The following MYO9A variants were observed in gnomAD, a reference collection of about 807,000 sequenced individuals.
MYO9A encodes myosin IXA.
In MYO9A, 103 loss-of-function variants were observed where a neutral mutation model predicts 293.3. The observed-to-expected ratio is 0.35, with a 90% CI of 0.30 to 0.41. The LOEUF is 0.41. MYO9A is among the 10% of genes least tolerant of loss of function. The pLI is 1.00. For synonymous variants in MYO9A, 1,001 were observed against 1,035.7 expected, an observed-to-expected ratio of 0.97 and a Z score of 0.64; for missense variants, 2,685 against 3,033.0, an observed-to-expected ratio of 0.89 and a Z score of 2.69.
chr15:71,890,114 C>G (rs1013517196), intron 26 of MYO9A: 2 of 152,198 alleles, frequency 1.3e-5, no homozygotes, highest in Non-Finnish European at 2.9e-5. Flanking sequence ...AGTGGGTTTT[C>G]TCTTACTGTA....
intron 25 of MYO9A, among the ~76,000 whole-genome samples, chr15:71,895,109 C>T (rs1242081970): frequency 6.6e-6 from 1 of 152,220 alleles, no homozygotes; most frequent in Non-Finnish European, 1.5e-5. Context: ...TCTTTGCTAG[C>T]TATAGGCTTC....
chr15:72,010,653 A>G (rs1003542204), intron 6 of MYO9A, among the ~76,000 whole-genome samples: 2 of 152,332 alleles, frequency 1.3e-5, no homozygotes, highest in Middle Eastern at 3.4e-3. Flanking sequence ...TAAAATACCA[A>G]TAAGTTACTT....
At chr15:71,962,302 T>G (rs2075766033) in intron 13 of MYO9A, among the ~76,000 whole-genome samples, 1 of 152,134 alleles carries the variant, frequency 6.6e-6, no homozygotes, top group Admixed American at 6.5e-5. Flanking sequence ...AACTCAGAAT[T>G]CTATGAGAAA....
chr15:72,008,957 T>C (rs2077096475), intron 7 of MYO9A, among the ~76,000 whole-genome samples: 1 of 152,222 alleles, frequency 6.6e-6, no homozygotes, highest in South Asian at 2.1e-4. Context: ...ACCTGAGATA[T>C]TACCTTAGGA....
chr15:71,837,769 A>C (rs929422819), intron 39 of MYO9A, among the ~76,000 whole-genome samples: 11 of 152,140 alleles, frequency 7.2e-5, no homozygotes, highest in Non-Finnish European at 1.3e-4. Context: ...GATTACATGG[A>C]GCTTTTAGAA....
intron 1 of MYO9A, among the ~76,000 whole-genome samples, chr15:72,079,489 G>T (rs2079474302): frequency 6.6e-6 from 1 of 152,008 alleles, no homozygotes; most frequent in South Asian, 2.1e-4. Context: ...ATCGAAAAAA[G>T]GATACAGTAT....
At position 71,824,576 on chromosome 15, in the gene MYO9A, C is replaced by T. The variant is rs2054392636; in HGVS notation, c.*2004G>A. 6.6e-6 allele frequency: 1 copy of T among 152,252 alleles called. No individual in the cohort carries two copies. Among genetic ancestry groups the T allele is most frequent in the Non-Finnish European group, 1.5e-5 (1 of 68,066 alleles). 9.4% of individuals were successfully genotyped at this position (152,252 alleles called of 1,614,324 possible). ...GGCACGGGGCTGAGGAACCAGCAAT[C>T]CCACTCTAACACACCATGCTGAGGG... On this transcript the variant is annotated 3_prime_UTR_variant, in exon 42 of 42. Transcript: ENST00000356056.
intron 1 of MYO9A, among the ~76,000 whole-genome samples, chr15:72,053,306 T>C (rs1003581805): frequency 6.6e-6 from 1 of 151,794 alleles, no homozygotes; most frequent in Non-Finnish European, 1.5e-5. Context: ...CTCAGGACAC[T>C]GAGGCAGGAG....
intron 15 of MYO9A, among the ~76,000 whole-genome samples, chr15:71,947,704 T>C (rs1169476516): frequency 6.6e-6 from 1 of 152,230 alleles, no homozygotes; most frequent in Non-Finnish European, 1.5e-5. Flanking sequence ...AAGTAGGCAC[T>C]GTCAGCATGG....
chr15:71,863,719 T>C (rs540245109), intron 32 of MYO9A, among the ~76,000 whole-genome samples: 4 of 152,204 alleles, frequency 2.6e-5, no homozygotes, highest in Non-Finnish European at 5.9e-5. Flanking sequence ...GTTACATGCA[T>C]AGGTTTCATA....
chr15:71,825,991 T>TTG lies in MYO9A; in HGVS notation c.*588_*589insCA. The TTG allele has an allele frequency of 8.5e-6, 1 of 117,674 alleles. No individual in the cohort carries two copies. 7.3% of individuals were successfully genotyped at this position (117,674 alleles called of 1,614,324 possible). On this transcript the variant is annotated 3_prime_UTR_variant, in exon 42 of 42. Coordinates refer to ENST00000356056, the MANE Select transcript of MYO9A (RefSeq NM_006901.4). Reference sequence around the variant, plus strand: ...CTTAATGGAAACAATCACGGTTTTTTTTTGTTTTTTTTTTTTTGTTTTTTT... The same window carrying TTG: ...CTTAATGGAAACAATCACGGTTTTTTTGTTTGTTTTTTTTTTTTTGTTTTTTT...
At chr15:71,859,587 C>A in intron 34 of MYO9A, 148 bp downstream of exon 34, 2 of 577,896 alleles carry the variant, frequency 3.5e-6, no homozygotes, top group South Asian at 2.5e-5. Context: ...TGGATCATGG[C>A]ATAAAACATA....
intron 21 of MYO9A, among the ~76,000 whole-genome samples, chr15:71,903,564 G>A (rs983115479): frequency 6.6e-6 from 1 of 152,188 alleles, no homozygotes; most frequent in Non-Finnish European, 1.5e-5. Context: ...AGAAAATCCT[G>A]CTGAGAAAAC....
At chr15:72,114,003 G>C (rs920387895) in intron 1 of MYO9A, among the ~76,000 whole-genome samples, 13 of 152,114 alleles carry the variant, frequency 8.5e-5, no homozygotes, top group African/African-American at 3.1e-4. Context: ...ATGACATAGG[G>C]GGAAAAAAAC....
intron 39 of MYO9A, among the ~76,000 whole-genome samples, chr15:71,834,891 T>C (rs1342592814): frequency 1.3e-5 from 2 of 152,058 alleles, no homozygotes; most frequent in Non-Finnish European, 2.9e-5. Context: ...AAATGTAATA[T>C]AAAAATTTTA....
intron 1 of MYO9A, among the ~76,000 whole-genome samples, chr15:72,087,601 A>G (rs960549075): frequency 2.6e-5 from 4 of 152,104 alleles, no homozygotes; most frequent in African/African-American, 9.7e-5. Flanking sequence ...CAGGGTTCCC[A>G]GGTTCCTCCC....
At chr15:71,960,818 CAAAA>C (rs1289187952) in intron 13 of MYO9A, among the ~76,000 whole-genome samples, 4 of 152,164 alleles carry the variant, frequency 2.6e-5, no homozygotes, top group Non-Finnish European at 4.4e-5. Flanking sequence ...AGCTGAATAA[CAAAA>C]AGAAGCCAGA....
intron 17 of MYO9A, among the ~76,000 whole-genome samples, chr15:71,934,369 A>C (rs907245012): frequency 7.2e-5 from 11 of 152,138 alleles, no homozygotes; most frequent in Non-Finnish European, 1.0e-4. Flanking sequence ...AATGTAAAAC[A>C]GGGAGGACAA....
At chr15:72,058,906 A>C (rs1052624992) in intron 1 of MYO9A, among the ~76,000 whole-genome samples, 3 of 152,242 alleles carry the variant, frequency 2.0e-5, no homozygotes, top group Non-Finnish European at 4.4e-5. Context: ...TTTTTAATGC[A>C]GTGTTCTGTG....
Sources: gnomAD v4.1 joint callset for allele counts (sites outside exome capture counted in the v4.1 genomes callset) on GRCh38, gnomAD v4.1.1 for gene constraint, MANE v1.5 for transcripts, NCBI Gene and HGNC (gene_info 2026-07-23, HGNC 2026-07-21) for gene names.